Variants in ADGRL2 observed in about 807,000 individuals in gnomAD.
The protein encoded by ADGRL2 is calcium-independent alpha-latrotoxin receptor 2.
ADGRL2 carries 44 observed loss-of-function variants against 157.4 expected under a neutral mutation model. That is an observed-to-expected ratio of 0.28 (90% CI 0.22 to 0.36). The LOEUF (loss-of-function observed/expected upper bound fraction) is 0.36, where lower values mean the gene tolerates loss of function less well. Ranked by LOEUF, ADGRL2 falls within the 10% of genes least tolerant of loss-of-function variation. The pLI is 1.00. For synonymous variants in ADGRL2, 585 were observed against 624.7 expected (o/e 0.94, Z 0.95); for missense variants, 1,510 against 1,768.9 (o/e 0.85, Z 2.63).
chr1:81,605,611 A>T (rs1240056160), intron 3 of ADGRL2, among the ~76,000 whole-genome samples: 2 of 152,220 alleles, frequency 1.3e-5, no homozygotes, highest in African/African-American at 4.8e-5. Context: ...CCCAGGCAGG[A>T]CTTGGAATTT....
chr1:81,612,702 A>G (rs1166082808), intron 3 of ADGRL2, among the ~76,000 whole-genome samples: 3 of 152,084 alleles, frequency 2.0e-5, no homozygotes, highest in Non-Finnish European at 4.4e-5. Context: ...AGAGAAGGAC[A>G]AAAAAACAAT....
intron 1 of ADGRL2, among the ~76,000 whole-genome samples, chr1:81,735,499 G>A (rs2084864403): frequency 6.6e-6 from 1 of 151,994 alleles, no homozygotes; most frequent in African/African-American, 2.4e-5. Flanking sequence ...GCTTAAAGAG[G>A]TGTAAGTTGG....
In ADGRL2 at chr1:81,993,268, T is replaced by C. The variant is rs115176091; in HGVS notation, c.*2123T>C. ...TTGGCTAAAATTCTTCAGGGATTTA[T>C]AAACTACTTGCTAAAGGAGGGCATT... On this transcript the variant is annotated 3_prime_UTR_variant, in exon 24 of 24. Transcript: ENST00000686636. 0.034 allele frequency among the ~76,000 whole-genome samples: 5,134 copies of C among 150,808 alleles called. 236 individuals carry two copies. The highest frequency in any genetic ancestry group is 0.11 in the African/African-American group (4,417 of 40,898).
intron 6 of ADGRL2, among the ~76,000 whole-genome samples, chr1:81,946,051 T>G (rs2148995269): frequency 6.6e-6 from 1 of 152,208 alleles, no homozygotes; most frequent in African/African-American, 2.4e-5. Flanking sequence ...TCCAAGAAAC[T>G]GATAGAACAG....
At chr1:81,456,209 CT>C (rs1341498200) in intron 2 of ADGRL2, among the ~76,000 whole-genome samples, 2 of 151,844 alleles carry the variant, frequency 1.3e-5, no homozygotes, top group Non-Finnish European at 2.9e-5. Context: ...GTATTATACA[CT>C]TGTTTTTCTT....
intron 1 of ADGRL2, among the ~76,000 whole-genome samples, chr1:81,322,109 T>TATATATATATATATACAC (rs71592379): frequency 7.7e-6 from 1 of 129,850 alleles, no homozygotes; most frequent in Non-Finnish European, 1.6e-5. Context: ...TATATATATA[T>TATATATATATATATACAC]ACACATATAT....
At chr1:81,724,361 A>G (rs1167754598) in intron 1 of ADGRL2, among the ~76,000 whole-genome samples, 2 of 152,168 alleles carry the variant, frequency 1.3e-5, no homozygotes, top group Non-Finnish European at 2.9e-5. Flanking sequence ...TGAAAATAAT[A>G]AGGTTTGAAT....
In ADGRL2 at chr1:81,416,411, G is replaced by GACA. The variant is rs1180726680; in HGVS notation, c.-301-28624_-301-28623insCAA. ...CTTACATTAACAGAGACTTGCTAAA[G>GACA]AGTTTTTATGGTTATACTTCAGCTT... On this transcript the variant is annotated intron_variant, in intron 1 of 24. Coordinates refer to the ADGRL2 transcript ENST00000370721. Among the ~76,000 whole-genome samples the GACA allele has an allele frequency of 2.6e-5, 4 of 151,878 alleles. No homozygotes were observed. In the East Asian group the frequency reaches 7.7e-4, roughly 29 times the overall value.
rs2079637162 is a variant in ADGRL2 at position 81,532,942 on chromosome 1, TTC to T, written c.-247-47932_-247-47931del. 2.0e-5 allele frequency among the ~76,000 whole-genome samples: 3 copies of T among 150,236 alleles called. No individual in the cohort carries two copies. The East Asian group carries it at 6.0e-4, about 30-fold the overall frequency. On this transcript the variant is annotated intron_variant, in intron 2 of 24. Coordinates refer to the ADGRL2 transcript ENST00000370721. ...CTGTCTCAAAAAAAACAACAAAAAA[TTC>T]TATCTATCTATCTATCTATCTATCT...
Position 81,746,887 on chromosome 1 carries a change from C to T in ADGRL2, c.-142-14924C>T, listed in dbSNP as rs567297793. On this transcript the variant is annotated intron_variant, in intron 1 of 20. Coordinates refer to the ADGRL2 transcript ENST00000359929. ...ATACACGTATATACACACGTGCACA[C>T]GTATACACGTATATACACACGTGCA... Among the ~76,000 whole-genome samples, 327 of 149,182 alleles carry T rather than the reference C, an allele frequency of 2.2e-3. 4 individuals are homozygous for T. Among genetic ancestry groups the T allele is most frequent in the South Asian group, 0.015 (73 of 4,744 alleles).
chr1:81,621,958 C>T (rs1440102494), intron 3 of ADGRL2, among the ~76,000 whole-genome samples: 1 of 152,160 alleles, frequency 6.6e-6, no homozygotes, highest in South Asian at 2.1e-4. Flanking sequence ...TGGTGACTTG[C>T]AATAATGAGT....
chr1:81,533,353 T>C (rs2079652533), intron 2 of ADGRL2, among the ~76,000 whole-genome samples: 1 of 152,206 alleles, frequency 6.6e-6, no homozygotes, highest in Non-Finnish European at 1.5e-5. Flanking sequence ...CACTCCAGCC[T>C]GGGCAACAGA....
intron 3 of ADGRL2, among the ~76,000 whole-genome samples, chr1:81,587,568 T>C (rs1293501975): frequency 6.6e-6 from 1 of 152,118 alleles, no homozygotes; most frequent in South Asian, 2.1e-4. Flanking sequence ...GAAGAGTCTA[T>C]CATAATTCAG....
At chr1:81,403,774 G>A (rs1453459285) in intron 1 of ADGRL2, among the ~76,000 whole-genome samples, 14 of 151,072 alleles carry the variant, frequency 9.3e-5, no homozygotes, top group Non-Finnish European at 5.9e-5. Context: ...GAGAGAGATG[G>A]TAGTCAGTAA....
At chr1:81,700,823 G>A (rs1284207429) in intron 1 of ADGRL2, among the ~76,000 whole-genome samples, 1 of 152,198 alleles carries the variant, frequency 6.6e-6, no homozygotes, top group Non-Finnish European at 1.5e-5. Context: ...GAATGCTGGG[G>A]ACAGAGTGTC....
chr1:81,851,973 G>A (rs116447381), intron 2 of ADGRL2, among the ~76,000 whole-genome samples: 4,012 of 151,820 alleles, frequency 0.026, 71 homozygotes, highest in Middle Eastern at 0.068. Context: ...TTAGAATGGC[G>A]AATTAAAAAA....
intron 2 of ADGRL2, among the ~76,000 whole-genome samples, chr1:81,891,069 GT>G (rs1557855810): frequency 6.6e-6 from 1 of 151,422 alleles, no homozygotes; most frequent in Non-Finnish European, 1.5e-5. Flanking sequence ...TCTTGTTTTT[GT>G]TTTTTATTTC....
At chr1:81,837,662 G>A (rs2092350908) in intron 2 of ADGRL2, among the ~76,000 whole-genome samples, 1 of 151,870 alleles carries the variant, frequency 6.6e-6, no homozygotes, top group East Asian at 1.9e-4. Context: ...TCTAGGAATA[G>A]TAATGAGTGT....
chr1:81,954,506 TCCC>T, intron 10 of ADGRL2, among the ~76,000 whole-genome samples: 1 of 152,254 alleles, frequency 6.6e-6, no homozygotes, highest in South Asian at 2.1e-4. Context: ...TGAAGCAAGT[TCCC>T]ACTTTGTGAC....
Sources: allele counts gnomAD v4.1 joint callset (sites outside exome capture counted in the v4.1 genomes callset), GRCh38; gene constraint gnomAD v4.1.1; transcripts MANE v1.5; gene names NCBI Gene and HGNC (gene_info 2026-07-23, HGNC 2026-07-21).